Variants in SIL1 observed in about 807,000 individuals in gnomAD.
SIL1 encodes the protein nucleotide exchange factor SIL1.
Under a neutral mutation model 49.1 loss-of-function variants are expected in SIL1, and 40 were observed. The ratio of observed to expected loss-of-function variants is 0.81; its 90% confidence interval spans 0.63 to 1.06. SIL1 has a LOEUF of 1.06. SIL1 is among the 50% of genes least tolerant of loss of function. SIL1 has a pLI of 0.00. For missense variants in SIL1, 500 were observed against 572.6 expected (o/e 0.87, Z 1.29); for synonymous variants, 253 against 250.8 (o/e 1.01, Z -0.08).
intron 7 of SIL1, among the ~76,000 whole-genome samples, chr5:138,968,045 G>A (rs184367244): frequency 6.6e-6 from 1 of 152,274 alleles, no homozygotes; most frequent in Non-Finnish European, 1.5e-5. Context: ...AAAATGAAGG[G>A]CCTGGCCACT....
At chr5:139,048,044 G>A (rs1269564357) in intron 4 of SIL1, among the ~76,000 whole-genome samples, 1 of 152,102 alleles carries the variant, frequency 6.6e-6, no homozygotes, top group African/African-American at 2.4e-5. Context: ...ATAGTCAGGT[G>A]GTAGAGAAGT....
chr5:139,042,596 C>A, intron 5 of SIL1, 24 bp downstream of exon 5: 1 of 1,604,422 alleles, frequency 6.2e-7, no homozygotes, highest in Non-Finnish European at 8.5e-7. Flanking sequence ...CAGGCTTATA[C>A]TCACAGGAAA....
chr5:139,085,079 AAAG>A (rs1344014296), intron 3 of SIL1, among the ~76,000 whole-genome samples: 1 of 152,216 alleles, frequency 6.6e-6, no homozygotes, highest in Non-Finnish European at 1.5e-5. Flanking sequence ...AATGGATATA[AAAG>A]AATATGGTTT....
intron 9 of SIL1, among the ~76,000 whole-genome samples, chr5:138,950,815 C>T (rs543621501): frequency 6.6e-6 from 1 of 152,166 alleles, no homozygotes; most frequent in Non-Finnish European, 1.5e-5. Context: ...GAGTGCCATT[C>T]GAAGGAGCTC....
At chr5:139,143,344 C>CACACACATATATATATAT (rs1451727500) in intron 1 of SIL1, among the ~76,000 whole-genome samples, 4 of 97,506 alleles carry the variant, frequency 4.1e-5, no homozygotes, top group African/African-American at 2.2e-4. Flanking sequence ...CACACACACA[C>CACACACATATATATATAT]ATATATATAT....
chr5:139,010,485 G>C (rs1768231022), intron 7 of SIL1, among the ~76,000 whole-genome samples: 1 of 152,194 alleles, frequency 6.6e-6, no homozygotes, highest in Non-Finnish European at 1.5e-5. Context: ...TCTCCATCCA[G>C]CTTTGTTCCG....
chr5:138,998,094 G>A (rs192787421), intron 7 of SIL1, among the ~76,000 whole-genome samples: 3 of 152,268 alleles, frequency 2.0e-5, no homozygotes, highest in Non-Finnish European at 2.9e-5. Flanking sequence ...CCATGAGCAC[G>A]GAAACTTTCC....
intron 7 of SIL1, among the ~76,000 whole-genome samples, chr5:138,967,554 A>G (rs1376817529): frequency 6.6e-6 from 1 of 152,238 alleles, no homozygotes; most frequent in African/African-American, 2.4e-5. Flanking sequence ...AAAATACAAT[A>G]AAGAAGAAAG....
chr5:139,147,337 G>C (rs6596465), intron 1 of SIL1, among the ~76,000 whole-genome samples: 1 of 151,886 alleles, frequency 6.6e-6, no homozygotes, highest in African/African-American at 2.4e-5. Flanking sequence ...ACCCTCATCA[G>C]CAACACTCTA....
chr5:139,141,515 A>C (rs576979325), intron 1 of SIL1, among the ~76,000 whole-genome samples: 1 of 151,884 alleles, frequency 6.6e-6, no homozygotes, highest in African/African-American at 2.4e-5. Context: ...TTTCATTAGC[A>C]GGGCATGGTG....
intron 1 of SIL1, among the ~76,000 whole-genome samples, chr5:139,169,831 C>CCCTCTCCCCACGGTCT (rs1554137104): frequency 1.1e-5 from 1 of 93,884 alleles, no homozygotes; most frequent in East Asian, 2.3e-4. Flanking sequence ...TCTCCCCTCT[C>CCCTCTCCCCACGGTCT]CCCTCTCCCT....
chr5:138,949,089 A>G (rs943754964), intron 9 of SIL1, among the ~76,000 whole-genome samples: 7 of 152,240 alleles, frequency 4.6e-5, no homozygotes, highest in Non-Finnish European at 8.8e-5. Flanking sequence ...TCTGATAAAC[A>G]TCTGCCTGAA....
chr5:139,122,803 A>C (rs536774382), intron 2 of SIL1, among the ~76,000 whole-genome samples: 27 of 152,290 alleles, frequency 1.8e-4, no homozygotes, highest in Admixed American at 1.4e-3. Flanking sequence ...AGGACCAATA[A>C]GGAAAATATC....
At chr5:139,114,614 C>A (rs746191085) in intron 3 of SIL1, among the ~76,000 whole-genome samples, 8 of 152,058 alleles carry the variant, frequency 5.3e-5, no homozygotes, top group Non-Finnish European at 1.2e-4. Flanking sequence ...AGGGAGGGAC[C>A]AGAAGTATAG....
chr5:139,021,984 T>C (rs184660213), intron 6 of SIL1: 1 of 155,228 alleles, frequency 6.4e-6, no homozygotes, highest in East Asian at 1.9e-4. Flanking sequence ...ACAGCATTGG[T>C]CTAGGCTATC....
At chr5:139,169,861 C>CCCTCTTTCCATGGTCTCCCTCTG (rs1554137117) in intron 1 of SIL1, among the ~76,000 whole-genome samples, 38 of 149,880 alleles carry the variant, frequency 2.5e-4, no homozygotes, top group South Asian at 1.5e-3. Context: ...GTCTCCCTCT[C>CCCTCTTTCCATGGTCTCCCTCTG]CCTCTTTCCA....
chr5:139,051,166 A>T, intron 3 of SIL1, 120 bp from the exon 4 acceptor site: 1 of 837,888 alleles, frequency 1.2e-6, no homozygotes, highest in Non-Finnish European at 2.0e-6. Context: ...GTGTTCAGTT[A>T]CCTCCTCAAT....
At chr5:139,188,886 G>C (rs893893661) in intron 1 of SIL1, among the ~76,000 whole-genome samples, 4 of 152,186 alleles carry the variant, frequency 2.6e-5, no homozygotes, top group Non-Finnish European at 1.5e-5. Context: ...CCTGACAAGA[G>C]AGAACCTGAG....
Position 138,985,599 on chromosome 5 carries a change from C to A in SIL1, c.768-33715G>T, listed in dbSNP as rs778513747. Among the ~76,000 whole-genome samples the A allele has an allele frequency of 2.0e-5, 3 of 152,152 alleles. No individual in the cohort carries two copies. The East Asian group carries it at 5.8e-4, about 29-fold the overall frequency. ...AGGAACTCAGGGCACACTTCTCAAG[C>A]CAGAAAGAACCTCATATCTAGTGCT... On this transcript the variant is annotated intron_variant, in intron 7 of 9. Coordinates refer to ENST00000394817, the MANE Select transcript of SIL1 (RefSeq NM_022464.5).
Sources: allele counts gnomAD v4.1 joint callset (sites outside exome capture counted in the v4.1 genomes callset), GRCh38; gene constraint gnomAD v4.1.1; transcripts MANE v1.5; gene names NCBI Gene and HGNC (gene_info 2026-07-23, HGNC 2026-07-21).